The following PC variants were observed in gnomAD, a reference collection of about 807,000 sequenced individuals.
PC encodes the protein pyruvate carboxylase.
A neutral mutation model predicts 107.8 loss-of-function variants in PC; 46 were observed. The observed-to-expected ratio is 0.43, with a 90% confidence interval of 0.34 to 0.55. The LOEUF (loss-of-function observed/expected upper bound fraction) is 0.55, where lower values mean the gene tolerates loss of function less well. PC is among the 20% of genes least tolerant of loss of function. The pLI, the probability that PC is intolerant of heterozygous loss-of-function variation, is 0.04. For synonymous variants in PC, 662 were observed against 684.7 expected (o/e 0.97, Z 0.52); for missense variants, 1,241 against 1,643.1 (o/e 0.76, Z 4.23).
chr11:66,857,955 A>G lies in PC; in HGVS notation c.1369-4572T>C. ...CCTGGGGCCCCCTGACTTCCGCAAC[A>G]TGACGGGACTGGTGGACCTGACACT... On this transcript the variant is annotated intron_variant, in intron 12 of 22. Coordinates refer to ENST00000393960, the MANE Select transcript of PC (RefSeq NM_001040716.2). The surrounding 1 kb of genome is among the most constrained non-coding windows in gnomAD (Gnocchi z 7.1). 6.2e-7 allele frequency: 1 copy of G among 1,612,462 alleles called. No individual in the cohort carries two copies. The highest frequency in any genetic ancestry group is 8.5e-7 in the Non-Finnish European group (1 of 1,179,908).
chr11:66,850,369 C>T lies in PC; in HGVS notation c.2569G>A (p.Gly857Ser). The part of the protein sequence containing the change: ...AFDCTATMKS[G>S]NSDVYENEIP... ...TCATTTTCATACACGTCCGAGTTGC[C>T]AGACTTCATGGTGGCCGTGCAGTCG... The change falls in exon 19 of 23, where the codon GGC becomes AGC. Residue 857 changes from glycine to serine, a missense_variant. By Grantham distance (56) the Gly-to-Ser change is moderately conservative. Coordinates refer to ENST00000393960, the MANE Select transcript of PC (RefSeq NM_001040716.2). 1 of 1,614,110 alleles carries T rather than the reference C, an allele frequency of 6.2e-7. No homozygotes were observed. Among genetic ancestry groups the T allele is most frequent in the Non-Finnish European group, 8.5e-7 (1 of 1,180,020 alleles).
intron 3 of PC, 21 bp from the exon 4 acceptor site, chr11:66,872,180 C>T: frequency 2.5e-6 from 4 of 1,570,808 alleles, no homozygotes; most frequent in Non-Finnish European, 3.5e-6. Flanking sequence ...AAGTTAGAGC[C>T]CAGGTTAGCG....
At chr11:66,924,352 C>A (rs1416365352) in intron 3 of PC, among the ~76,000 whole-genome samples, 1 of 112,584 alleles carries the variant, frequency 8.9e-6, no homozygotes, top group Non-Finnish European at 1.7e-5. Context: ...GGTAACATAG[C>A]AAGACCCCAT....
At chr11:66,882,310 G>A (rs1947213024) in intron 3 of PC, among the ~76,000 whole-genome samples, 1 of 152,232 alleles carries the variant, frequency 6.6e-6, no homozygotes, top group African/African-American at 2.4e-5. Flanking sequence ...AAGAGCTGCT[G>A]CAGCTGAGGC....
chr11:66,949,206 A>C (rs954946782), intron 3 of PC, among the ~76,000 whole-genome samples: 1 of 151,122 alleles, frequency 6.6e-6, no homozygotes. Flanking sequence ...GTTGGCCAGG[A>C]TGGTCTCAAT....
At chr11:66,952,668 A>G (rs570838418) in intron 2 of PC, among the ~76,000 whole-genome samples, 200 bp from the exon 3 acceptor site, 1 of 152,136 alleles carries the variant, frequency 6.6e-6, no homozygotes, top group East Asian at 1.9e-4. Flanking sequence ...CAGCCTCCTG[A>G]GGTAGTTGGG....
chr11:66,851,934 T>A lies in PC; in HGVS notation c.1838A>T (p.Asp613Val), dbSNP rs147396184. ...SMENWGGATF[D>V]VAMRFLYECP... The stretch of plus-strand genomic sequence containing the variant: ...CTCATACAGGAAGCGCATGGCGACG[T>A]CAAACGTGGCTCCTGCACAGGAACC... The change falls in exon 16 of 23, where the codon GAC becomes GTC. Residue 613 changes from aspartate (D) to valine (V), a missense_variant. By Grantham distance (152) the Asp-to-Val change is radical (BLOSUM62 -3). Around this residue, in one of 2 missense-constraint regions of PC, gnomAD observed 1,143 missense variants for 1,551.9 expected, o/e 0.74. Transcript: ENST00000393960. 1 of 1,613,908 alleles carries A rather than the reference T, an allele frequency of 6.2e-7. No individual in the cohort carries two copies. The highest frequency in any genetic ancestry group is 8.5e-7 in the Non-Finnish European group (1 of 1,180,002).
chr11:66,939,314 G>T (rs183561341), intron 3 of PC, among the ~76,000 whole-genome samples: 111 of 152,306 alleles, frequency 7.3e-4, no homozygotes, highest in African/African-American at 2.6e-3. Context: ...GATATGCATA[G>T]GTTATATGCA....
rs1448819004 is a variant in PC at position 66,930,108 on chromosome 11, G to A, written c.-1+22322C>T. 2.0e-5 allele frequency among the ~76,000 whole-genome samples: 3 copies of A among 152,018 alleles called. No individual in the cohort carries two copies. The East Asian group carries it at 5.8e-4, about 29-fold the overall frequency. The stretch of plus-strand genomic sequence containing the variant: ...GTAACAGTGAACCACCAAGAAACTT[G>A]ATGTACCCTTCCCTGTCCCCAAGAG... On this transcript the variant is annotated intron_variant, in intron 3 of 22. Transcript: ENST00000393960.
At chr11:66,954,030 C>T (rs942254078) in intron 2 of PC, among the ~76,000 whole-genome samples, 1 of 152,128 alleles carries the variant, frequency 6.6e-6, no homozygotes, top group East Asian at 1.9e-4. Flanking sequence ...TTATCATCAT[C>T]GTTATGAAAA....
intron 10 of PC, among the ~76,000 whole-genome samples, chr11:66,867,617 G>A (rs777638119): frequency 8.5e-5 from 13 of 152,330 alleles, no homozygotes; most frequent in Middle Eastern, 3.4e-3. Context: ...GGAGCTCGAG[G>A]GTCAGAGAGG....
intron 3 of PC, among the ~76,000 whole-genome samples, chr11:66,918,791 G>A (rs973963785): frequency 6.6e-6 from 1 of 152,058 alleles, no homozygotes; most frequent in Non-Finnish European, 1.5e-5. Flanking sequence ...CGCCAAACAC[G>A]TGTGACCTCC....
At chr11:66,947,691 G>A (rs544941562) in intron 3 of PC, among the ~76,000 whole-genome samples, 28 of 152,196 alleles carry the variant, frequency 1.8e-4, no homozygotes, top group Admixed American at 1.2e-3. Context: ...GGCCAGGTGC[G>A]GTAGCTCACG....
chr11:66,895,005 A>T (rs1490808498), intron 3 of PC, among the ~76,000 whole-genome samples: 1 of 149,486 alleles, frequency 6.7e-6, no homozygotes, highest in Admixed American at 6.7e-5. Context: ...CTGGGTGACA[A>T]GAGTTAAAAC....
intron 3 of PC, among the ~76,000 whole-genome samples, chr11:66,937,771 G>T (rs56295710): frequency 0.19 from 27,663 of 146,774 alleles, 3,468 homozygotes; most frequent in South Asian, 0.45. Flanking sequence ...GAATTTCTGG[G>T]TTTTTTTTGT....
At chr11:66,892,258 T>C (rs1387687466) in intron 3 of PC, among the ~76,000 whole-genome samples, 1 of 151,698 alleles carries the variant, frequency 6.6e-6, no homozygotes, top group Non-Finnish European at 1.5e-5. Flanking sequence ...TGCCTAAGAG[T>C]TCTGGGACAG....
chr11:66,851,828 A>G lies in PC; in HGVS notation c.1944T>C (p.Ala648=), dbSNP rs774759089. 17 of 1,614,112 alleles carry G rather than the reference A, an allele frequency of 1.1e-5. No individual in the cohort carries two copies. The South Asian group carries it at 1.9e-4, about 18-fold the overall frequency. ...TGTCTGGGTAGTTGGTGTAGCCCAC[A>G]GCATTGGCCCCCCGCAGCAGCATCT... ...PFQMLLRGAN[A]VGYTNYPDNV... is the part of the protein sequence containing the mutation. The change falls in exon 16 of 23, where the codon GCT becomes GCC. Residue 648 remains alanine, a synonymous_variant. Transcript: ENST00000393960.
At chr11:66,885,652 C>T (rs977144536) in intron 3 of PC, among the ~76,000 whole-genome samples, 6 of 152,280 alleles carry the variant, frequency 3.9e-5, no homozygotes, top group East Asian at 1.9e-4. Flanking sequence ...CAGGAGATGA[C>T]GGCCACATGA....
At chr11:66,893,774 A>T (rs1016784773) in intron 3 of PC, among the ~76,000 whole-genome samples, 9 of 151,702 alleles carry the variant, frequency 5.9e-5, no homozygotes, top group Non-Finnish European at 7.4e-5. Context: ...CTATAGCAGA[A>T]CTTAGCCCCC....
Sources: allele counts gnomAD v4.1 joint callset (sites outside exome capture counted in the v4.1 genomes callset), GRCh38; gene constraint gnomAD v4.1.1; regional missense constraint gnomAD v4.1.1; non-coding constraint Gnocchi (gnomAD v3.1); transcripts MANE v1.5; gene names NCBI Gene and HGNC (gene_info 2026-07-23, HGNC 2026-07-21).